TTC29: variants seen among roughly 807,000 people sequenced by gnomAD.
TTC29 encodes tetratricopeptide repeat protein 29.
TTC29 carries 49 observed loss-of-function variants against 58.1 expected under a neutral mutation model. The observed-to-expected ratio is 0.84, with a 90% CI of 0.67 to 1.07. TTC29 has a LOEUF of 1.07. Ranked by LOEUF, TTC29 falls within the 50% of genes least tolerant of loss-of-function variation. The pLI is 0.00. For synonymous variants in TTC29, 209 were observed against 196.8 expected, an observed-to-expected ratio of 1.06 and a Z score of -0.52; for missense variants, 582 against 555.6, an observed-to-expected ratio of 1.05 and a Z score of -0.48.
At chr4:146,860,641 T>C (rs1730167831) in intron 8 of TTC29, among the ~76,000 whole-genome samples, 1 of 152,148 alleles carries the variant, frequency 6.6e-6, no homozygotes, top group Admixed American at 6.5e-5. Context: ...CAGCACGAGA[T>C]TTCATTGTGC....
chr4:146,750,513 AT>A (rs1450865108), intron 11 of TTC29, among the ~76,000 whole-genome samples: 30 of 152,352 alleles, frequency 2.0e-4, no homozygotes, highest in African/African-American at 7.2e-4. Context: ...ATGACCAAAA[AT>A]AACTAAAGCT....
At chr4:146,932,549 A>G (rs2150320402) in intron 4 of TTC29, among the ~76,000 whole-genome samples, 1 of 152,316 alleles carries the variant, frequency 6.6e-6, no homozygotes, top group East Asian at 1.9e-4. Context: ...CTTGCTCCAT[A>G]TGTTTGAGTG....
At position 146,912,720 on chromosome 4, in the gene TTC29, AG is replaced by A. The variant is rs1389831312; in HGVS notation, c.177-3472del. On this transcript the variant is annotated intron_variant, in intron 4 of 12. Transcript: ENST00000325106. ...ATTCACACCTGATCCAAGAGAAGGG[AG>A]GGGAGGAGGGTAAAACCGGGAGCAG... Among the ~76,000 whole-genome samples the A allele has an allele frequency of 3.9e-5, 6 of 152,168 alleles. No individual in the cohort carries two copies. The South Asian group carries it at 1.0e-3, about 26-fold the overall frequency.
intron 9 of TTC29, chr4:146,831,606 A>G (rs1728167548): frequency 2.8e-6 from 1 of 353,090 alleles, no homozygotes; most frequent in South Asian, 2.2e-5. Flanking sequence ...AGCTCCAAAT[A>G]ATACTTAAAT....
At chr4:146,757,180 A>AG (rs934228659) in intron 11 of TTC29, among the ~76,000 whole-genome samples, 9 of 150,876 alleles carry the variant, frequency 6.0e-5, no homozygotes, top group African/African-American at 2.2e-4. Context: ...GGGAAGGTCT[A>AG]GGGCTGAAGG....
intron 11 of TTC29, among the ~76,000 whole-genome samples, chr4:146,732,539 T>C (rs1561070493): frequency 6.6e-6 from 1 of 152,088 alleles, no homozygotes; most frequent in Non-Finnish European, 1.5e-5. Context: ...AAAATTGGCT[T>C]TGTGGAGGGC....
intron 5 of TTC29, among the ~76,000 whole-genome samples, chr4:146,906,688 C>T (rs1393085082): frequency 6.6e-6 from 1 of 152,164 alleles, no homozygotes; most frequent in Non-Finnish European, 1.5e-5. Context: ...AAAAAGGTGA[C>T]ACAAATGTTT....
chr4:146,800,487 GAAGA>G (rs1478004290), intron 11 of TTC29, among the ~76,000 whole-genome samples: 1 of 152,122 alleles, frequency 6.6e-6, no homozygotes, highest in Non-Finnish European at 1.5e-5. Flanking sequence ...CCTTTTCTTA[GAAGA>G]AAGGCAAAAG....
intron 8 of TTC29, among the ~76,000 whole-genome samples, chr4:146,837,700 T>C (rs145390441): frequency 3.9e-5 from 6 of 152,014 alleles, no homozygotes; most frequent in Non-Finnish European, 5.9e-5. Context: ...CTGCACTTGA[T>C]TGACTATCCC....
At chr4:146,937,145 A>G (rs1287502791) in intron 4 of TTC29, among the ~76,000 whole-genome samples, 2 of 152,072 alleles carry the variant, frequency 1.3e-5, no homozygotes, top group African/African-American at 2.4e-5. Context: ...TTAAAAATTA[A>G]CCAATAAAGT....
At chr4:146,819,113 AAAATAAAT>A in intron 10 of TTC29, among the ~76,000 whole-genome samples, 1 of 151,508 alleles carries the variant, frequency 6.6e-6, no homozygotes, top group Non-Finnish European at 1.5e-5. Flanking sequence ...AACAATAATA[AAAATAAAT>A]AAATAAATAA....
At chr4:146,927,800 G>T (rs939753344) in intron 4 of TTC29, among the ~76,000 whole-genome samples, 2 of 152,156 alleles carry the variant, frequency 1.3e-5, no homozygotes, top group Non-Finnish European at 2.9e-5. Context: ...CACAAGGCAT[G>T]AGAGAAAGCA....
chr4:146,914,194 A>T (rs1352949275), intron 4 of TTC29, among the ~76,000 whole-genome samples: 4 of 152,174 alleles, frequency 2.6e-5, no homozygotes. Context: ...ATCTAAAAAA[A>T]AGGAATGTCA....
At chr4:146,895,958 G>A (rs894878298) in intron 6 of TTC29, among the ~76,000 whole-genome samples, 2 of 152,022 alleles carry the variant, frequency 1.3e-5, no homozygotes, top group Non-Finnish European at 2.9e-5. Flanking sequence ...AGATAGAGAA[G>A]TAATCAACAT....
intron 11 of TTC29, among the ~76,000 whole-genome samples, chr4:146,726,724 G>A (rs1008103205): frequency 2.6e-5 from 4 of 152,132 alleles, no homozygotes. Context: ...TATAAACTAA[G>A]TTACTCACAT....
chr4:146,816,443 G>C (rs543726417), intron 10 of TTC29, among the ~76,000 whole-genome samples: 124 of 152,188 alleles, frequency 8.1e-4, no homozygotes, highest in African/African-American at 2.8e-3. Context: ...GGGTAGCAGA[G>C]GAAGCACACG....
At chr4:146,714,318 A>G (rs1224207197) in intron 11 of TTC29, among the ~76,000 whole-genome samples, 1 of 152,204 alleles carries the variant, frequency 6.6e-6, no homozygotes, top group East Asian at 1.9e-4. Flanking sequence ...CATGGAAAAT[A>G]AAATAAAACA....
At chr4:146,894,517 C>T (rs866140395) in intron 6 of TTC29, among the ~76,000 whole-genome samples, 14 of 129,422 alleles carry the variant, frequency 1.1e-4, no homozygotes, top group Admixed American at 9.9e-4. Flanking sequence ...ACATCACACA[C>T]CAGGGCCTGT....
intron 8 of TTC29, among the ~76,000 whole-genome samples, chr4:146,854,177 T>C (rs1431055929): frequency 1.3e-5 from 2 of 152,108 alleles, no homozygotes; most frequent in Admixed American, 6.6e-5. Context: ...CCCTGGCTGA[T>C]AGAATCCCTC....
Sources: allele counts gnomAD v4.1 joint callset (sites outside exome capture counted in the v4.1 genomes callset), GRCh38; gene constraint gnomAD v4.1.1; transcripts MANE v1.5; gene names NCBI Gene and HGNC (gene_info 2026-07-23, HGNC 2026-07-21).